The following BRINP2 variants were observed in gnomAD, a reference collection of about 807,000 sequenced individuals.
BRINP2 encodes the protein BMP/retinoic acid-inducible neural-specific protein 2.
Under a neutral mutation model 69.2 loss-of-function variants are expected in BRINP2, and 21 were observed. That is an observed-to-expected ratio of 0.30 (90% CI 0.22 to 0.44). The LOEUF (loss-of-function observed/expected upper bound fraction) is 0.44, where lower values mean the gene tolerates loss of function less well. Among genes scored for constraint, BRINP2 ranks in the 20% least tolerant of loss-of-function variants. The pLI, the probability that BRINP2 is intolerant of heterozygous loss-of-function variation, is 1.00. For synonymous variants in BRINP2, 380 were observed against 394.1 expected (o/e 0.96, Z 0.42); for missense variants, 877 against 986.0 (o/e 0.89, Z 1.48).
chr1:177,202,705 G>T (rs113179188), intron 1 of BRINP2, among the ~76,000 whole-genome samples: 1 of 151,962 alleles, frequency 6.6e-6, no homozygotes, highest in Non-Finnish European at 1.5e-5. Context: ...ACATTTATGC[G>T]GCCAAAAAAC....
rs1314848079 is a variant in BRINP2, at chr1:177,171,508, A to C, written c.-301A>C. Reference sequence around the variant, plus strand: ...GGCACCGACAGTAAAGCGGGGAGCAAGAGAATTTGAAAAGAGACATCCGCT... The same window carrying C: ...GGCACCGACAGTAAAGCGGGGAGCACGAGAATTTGAAAAGAGACATCCGCT... On this transcript the variant is annotated 5_prime_UTR_variant, in exon 1 of 8. Coordinates refer to ENST00000361539, the MANE Select transcript of BRINP2 (RefSeq NM_021165.4). 5 of 157,430 alleles carry C rather than the reference A, an allele frequency of 3.2e-5. No homozygotes were observed. In the East Asian group the frequency reaches 7.5e-4, roughly 24 times the overall value. The allele number at this position is 157,430 out of a possible 1,614,324, so 9.8% of individuals were successfully genotyped here.
Position 177,282,344 on chromosome 1 carries a change from T to C in BRINP2, c.*816T>C, listed in dbSNP as rs1372336089. On this transcript the variant is annotated 3_prime_UTR_variant, in exon 8 of 8. Coordinates refer to ENST00000361539, the MANE Select transcript of BRINP2 (RefSeq NM_021165.4). ...AAATAACAAAAACAAAACAAAACTA[T>C]TTATTTTGTGATTGTTTTCCTTGTT... 6.6e-6 allele frequency: 1 copy of C among 152,164 alleles called. No individual in the cohort carries two copies. The highest frequency in any genetic ancestry group is 2.4e-5 in the African/African-American group (1 of 41,424). The allele number at this position is 152,164 out of a possible 1,614,324, so 9.4% of individuals were successfully genotyped here. A position where few individuals can be genotyped will look rare whatever the true frequency, so the allele number is the denominator to read the frequency against.
chr1:177,274,195 G>A (rs149305207), intron 5 of BRINP2, among the ~76,000 whole-genome samples: 198 of 152,300 alleles, frequency 1.3e-3, no homozygotes, highest in African/African-American at 4.6e-3. Context: ...AACTGTGAAA[G>A]ATAAAGGAAA....
chr1:177,189,725 C>T (rs1648532783), intron 1 of BRINP2, among the ~76,000 whole-genome samples: 1 of 152,130 alleles, frequency 6.6e-6, no homozygotes, highest in South Asian at 2.1e-4. Context: ...ATGTTTTGTC[C>T]TCATAGAGCC....
At chr1:177,230,665 G>A (rs1157818846) in intron 2 of BRINP2, among the ~76,000 whole-genome samples, 1 of 152,206 alleles carries the variant, frequency 6.6e-6, no homozygotes, top group East Asian at 1.9e-4. Context: ...GGCCTTGTGG[G>A]AAAAAGGGGT....
intron 1 of BRINP2, among the ~76,000 whole-genome samples, chr1:177,220,437 C>T (rs1558164391): frequency 6.6e-6 from 1 of 152,036 alleles, no homozygotes. Context: ...GCAGTACCTC[C>T]CCCACCTCTC....
At chr1:177,250,304 A>G (rs543303509) in intron 2 of BRINP2, among the ~76,000 whole-genome samples, 6 of 146,030 alleles carry the variant, frequency 4.1e-5, no homozygotes, top group South Asian at 4.5e-4. Flanking sequence ...AAATGTAGCC[A>G]CTTGTGTGCA....
intron 1 of BRINP2, among the ~76,000 whole-genome samples, chr1:177,204,847 A>G (rs375493781): frequency 1.2e-4 from 18 of 152,312 alleles, no homozygotes; most frequent in African/African-American, 4.3e-4. Context: ...GCAGATATAC[A>G]TTATGTTTAA....
At chr1:177,187,483 A>AT (rs1011773162) in intron 1 of BRINP2, among the ~76,000 whole-genome samples, 3 of 152,178 alleles carry the variant, frequency 2.0e-5, no homozygotes, top group Non-Finnish European at 4.4e-5. Flanking sequence ...TTCTTATGCC[A>AT]TTTTCCTTTG....
chr1:177,281,681 C>A lies in BRINP2; in HGVS notation c.*153C>A. The A allele has an allele frequency of 9.8e-7, 1 of 1,016,244 alleles. No homozygotes were observed. The highest frequency in any genetic ancestry group is 1.4e-6 in the Non-Finnish European group (1 of 705,668). The allele number at this position is 1,016,244 out of a possible 1,614,324, so 63.0% of individuals were successfully genotyped here. On this transcript the variant is annotated 3_prime_UTR_variant, in exon 8 of 8. Transcript: ENST00000361539. Reference sequence around the variant, plus strand: ...ACCTCGAGGCTCGAGCTGAAGCAGGCGAGAGAGAAACAGCTACTGCGTGCG... The same window carrying A: ...ACCTCGAGGCTCGAGCTGAAGCAGGAGAGAGAGAAACAGCTACTGCGTGCG...
chr1:177,270,512 G>C (rs1306100611), intron 4 of BRINP2, among the ~76,000 whole-genome samples: 1 of 150,996 alleles, frequency 6.6e-6, no homozygotes, highest in African/African-American at 2.4e-5. Context: ...GCGGGAAGCA[G>C]ATGCATTGGT....
chr1:177,216,808 T>G (rs544609863), intron 1 of BRINP2, among the ~76,000 whole-genome samples: 2 of 149,780 alleles, frequency 1.3e-5, no homozygotes, highest in South Asian at 4.3e-4. Context: ...ACTTCACCAC[T>G]TTGAATATAT....
chr1:177,279,790 C>G (rs564876509), intron 7 of BRINP2, among the ~76,000 whole-genome samples: 256 of 152,238 alleles, frequency 1.7e-3, no homozygotes, highest in African/African-American at 5.9e-3. Context: ...AACAAGTAAA[C>G]AATAAATAAA....
chr1:177,208,058 T>C (rs1318306283), intron 1 of BRINP2, among the ~76,000 whole-genome samples: 2 of 152,194 alleles, frequency 1.3e-5, no homozygotes, highest in African/African-American at 4.8e-5. Flanking sequence ...GGCCATGAAA[T>C]GCTGCTTTAG....
rs534965615 is a variant in BRINP2 at position 177,281,912 on chromosome 1, G to A, written c.*384G>A. On this transcript the variant is annotated 3_prime_UTR_variant, in exon 8 of 8. Transcript: ENST00000361539. Reference sequence around the variant, plus strand: ...TGATTCTTGTCATTCAAGAAAGCAAGAGGGGACAACAATGGGAGGGGTCGG... The same window carrying A: ...TGATTCTTGTCATTCAAGAAAGCAAAAGGGGACAACAATGGGAGGGGTCGG... 6.0e-6 allele frequency: 1 copy of A among 167,246 alleles called. No individual in the cohort carries two copies. Among genetic ancestry groups the A allele is most frequent in the African/African-American group, 2.4e-5 (1 of 42,036 alleles). The allele number at this position is 167,246 out of a possible 1,614,324, so 10.4% of individuals were successfully genotyped here.
At chr1:177,265,993 G>A (rs997460089) in intron 4 of BRINP2, among the ~76,000 whole-genome samples, 3 of 151,590 alleles carry the variant, frequency 2.0e-5, no homozygotes, top group Non-Finnish European at 2.9e-5. Context: ...GGTGGCAGGC[G>A]CCTGTAGTCC....
chr1:177,270,453 A>C (rs1651277981), intron 4 of BRINP2, among the ~76,000 whole-genome samples: 1 of 151,954 alleles, frequency 6.6e-6, no homozygotes, highest in South Asian at 2.1e-4. Flanking sequence ...AAAGGTCAGA[A>C]AATTGCATCA....
chr1:177,196,636 A>G (rs534197035), intron 1 of BRINP2, among the ~76,000 whole-genome samples: 3 of 150,010 alleles, frequency 2.0e-5, no homozygotes. Context: ...AAAAAGAAAG[A>G]AAAAGAAATG....
intron 6 of BRINP2, 67 bp downstream of exon 6, chr1:177,276,501 A>T: frequency 1.4e-6 from 2 of 1,440,032 alleles, no homozygotes; most frequent in South Asian, 2.4e-5. Flanking sequence ...GAACATGGGG[A>T]GAACAAAACT....
Sources: allele counts gnomAD v4.1 joint callset (sites outside exome capture counted in the v4.1 genomes callset), GRCh38; gene constraint gnomAD v4.1.1; transcripts MANE v1.5; gene names NCBI Gene and HGNC (gene_info 2026-07-23, HGNC 2026-07-21).